Variants in HS6ST3 observed in about 807,000 individuals in gnomAD.
The protein encoded by HS6ST3 is heparan sulfate 6-O-sulfotransferase 3.
In HS6ST3, 12 loss-of-function variants were observed where a neutral mutation model predicts 36.7. That is an observed-to-expected ratio of 0.33 (90% confidence interval 0.21 to 0.53). The LOEUF (loss-of-function observed/expected upper bound fraction) is 0.53. HS6ST3 is among the 20% of genes least tolerant of loss of function. The pLI, the probability that HS6ST3 is intolerant of heterozygous loss-of-function variation, is 0.95. For missense variants in HS6ST3, 584 were observed against 640.9 expected (o/e 0.91, Z 0.96); for synonymous variants, 240 against 257.5 (o/e 0.93, Z 0.65).
chr13:96,654,947 A>G (rs751898264), intron 1 of HS6ST3, among the ~76,000 whole-genome samples: 27 of 152,038 alleles, frequency 1.8e-4, no homozygotes, highest in Non-Finnish European at 3.5e-4. Context: ...TGAGGTGGAT[A>G]TTTATCCTGA....
chr13:96,489,403 CAT>C (rs1432343364), intron 1 of HS6ST3, among the ~76,000 whole-genome samples: 150 of 138,530 alleles, frequency 1.1e-3, no homozygotes, highest in African/African-American at 3.0e-3. Context: ...CACACACACA[CAT>C]ATAGTTTTTT....
intron 1 of HS6ST3, among the ~76,000 whole-genome samples, chr13:96,692,778 T>C (rs1272291295): frequency 3.9e-5 from 6 of 152,200 alleles, no homozygotes; most frequent in Admixed American, 3.9e-4. Context: ...TTAATTTCAA[T>C]CTATTCTTTT....
At chr13:96,370,775 A>G (rs2055285843) in intron 1 of HS6ST3, among the ~76,000 whole-genome samples, 1 of 152,048 alleles carries the variant, frequency 6.6e-6, no homozygotes, top group South Asian at 2.1e-4. Flanking sequence ...AGCCGGGTGC[A>G]GTGGTAGGCT....
chr13:96,759,443 T>C (rs1368336390), intron 1 of HS6ST3, among the ~76,000 whole-genome samples: 1 of 151,858 alleles, frequency 6.6e-6, no homozygotes, highest in Non-Finnish European at 1.5e-5. Context: ...ATACCTTTTG[T>C]GTGTTTTATG....
chr13:96,167,419 A>AT (rs1396010962), intron 1 of HS6ST3, among the ~76,000 whole-genome samples: 1 of 152,116 alleles, frequency 6.6e-6, no homozygotes. Context: ...ACAAACATCT[A>AT]TTTTTGAATT....
chr13:96,238,943 G>A (rs945746678), intron 1 of HS6ST3, among the ~76,000 whole-genome samples: 2 of 152,218 alleles, frequency 1.3e-5, no homozygotes, highest in Non-Finnish European at 2.9e-5. Flanking sequence ...GGTTGGCAGT[G>A]CAACACGGGG....
At chr13:96,652,786 A>G (rs901018639) in intron 1 of HS6ST3, among the ~76,000 whole-genome samples, 10 of 152,134 alleles carry the variant, frequency 6.6e-5, no homozygotes, top group Non-Finnish European at 2.9e-5. Context: ...TGCTGCAGTT[A>G]GCAATAGGAT....
intron 1 of HS6ST3, among the ~76,000 whole-genome samples, chr13:96,496,397 A>T (rs2055975973): frequency 6.6e-6 from 1 of 152,232 alleles, no homozygotes; most frequent in Non-Finnish European, 1.5e-5. Flanking sequence ...GGACATCTGT[A>T]TTCCGTCTTC....
At chr13:96,405,562 T>C (rs1243487165) in intron 1 of HS6ST3, among the ~76,000 whole-genome samples, 1 of 152,198 alleles carries the variant, frequency 6.6e-6, no homozygotes, top group Non-Finnish European at 1.5e-5. Context: ...CTATCTGACA[T>C]GAGTACTGAA....
At chr13:96,223,530 A>G (rs946552047) in intron 1 of HS6ST3, among the ~76,000 whole-genome samples, 1 of 152,256 alleles carries the variant, frequency 6.6e-6, no homozygotes. Context: ...CTGGGCCTGA[A>G]CCCAAGAACC....
At chr13:96,211,614 A>G (rs995532942) in intron 1 of HS6ST3, among the ~76,000 whole-genome samples, 1 of 152,166 alleles carries the variant, frequency 6.6e-6, no homozygotes, top group Non-Finnish European at 1.5e-5. Flanking sequence ...GTTTTCTATT[A>G]TTGTATTAGA....
chr13:96,413,171 T>C (rs2055516526), intron 1 of HS6ST3, among the ~76,000 whole-genome samples: 1 of 152,244 alleles, frequency 6.6e-6, no homozygotes, highest in South Asian at 2.1e-4. Context: ...CATTATCACA[T>C]GACATAGTTC....
At chr13:96,305,969 G>T (rs766409512) in intron 1 of HS6ST3, among the ~76,000 whole-genome samples, 2 of 148,972 alleles carry the variant, frequency 1.3e-5, no homozygotes, top group Non-Finnish European at 1.5e-5. Flanking sequence ...GTGTCACGTA[G>T]TGGCCAGGCT....
chr13:96,191,852 G>A (rs2054290033), intron 1 of HS6ST3, among the ~76,000 whole-genome samples: 1 of 152,160 alleles, frequency 6.6e-6, no homozygotes, highest in African/African-American at 2.4e-5. Context: ...CTGTATAAAA[G>A]CTAGCTGAAT....
chr13:96,626,852 A>T (rs1194674770), intron 1 of HS6ST3, among the ~76,000 whole-genome samples: 1 of 152,060 alleles, frequency 6.6e-6, no homozygotes, highest in Non-Finnish European at 1.5e-5. Flanking sequence ...AAAAAAATAC[A>T]TATTGTTACT....
chr13:96,590,548 T>C lies in HS6ST3; in HGVS notation c.708-241942T>C, dbSNP rs557300263. 5.9e-5 allele frequency among the ~76,000 whole-genome samples: 9 copies of C among 152,270 alleles called. No individual in the cohort carries two copies. In the South Asian group the frequency reaches 1.9e-3, roughly 32 times the overall value. ...TTAAATTGGATTATTAGATTTTTTTTCTTGTAGAGTTGTTTGAGCTCCTTT... is the reference window on the plus strand; with the variant it reads ...TTAAATTGGATTATTAGATTTTTTTCCTTGTAGAGTTGTTTGAGCTCCTTT... On this transcript the variant is annotated intron_variant, in intron 1 of 1. Transcript: ENST00000376705.
chr13:96,196,150 C>T (rs1336004033), intron 1 of HS6ST3, among the ~76,000 whole-genome samples: 2 of 152,000 alleles, frequency 1.3e-5, no homozygotes, highest in African/African-American at 2.4e-5. Flanking sequence ...ACACTGGGTC[C>T]GCACATCAAC....
At chr13:96,796,689 A>G (rs1211574514) in intron 1 of HS6ST3, among the ~76,000 whole-genome samples, 2 of 152,066 alleles carry the variant, frequency 1.3e-5, no homozygotes, top group Non-Finnish European at 2.9e-5. Context: ...AGCAGCTTGC[A>G]GGTTTATTGT....
intron 1 of HS6ST3, among the ~76,000 whole-genome samples, chr13:96,097,101 T>C (rs2053794963): frequency 6.6e-6 from 1 of 152,166 alleles, no homozygotes. Flanking sequence ...CTGTCAGTTT[T>C]TTGAGTAGTG....
Sources: gnomAD v4.1 joint callset for allele counts (sites outside exome capture counted in the v4.1 genomes callset) on GRCh38, gnomAD v4.1.1 for gene constraint, MANE v1.5 for transcripts, NCBI Gene and HGNC (gene_info 2026-07-23, HGNC 2026-07-21) for gene names.